PHTF2: variants seen among roughly 807,000 people sequenced by gnomAD.
PHTF2 encodes protein PHTF2.
A neutral mutation model predicts 101.2 loss-of-function variants in PHTF2; 60 were observed. The ratio of observed to expected loss-of-function variants is 0.59; its 90% CI spans 0.48 to 0.73. The LOEUF is 0.73. PHTF2 is among the 30% of genes least tolerant of loss of function. PHTF2 has a pLI of 0.00. For synonymous variants in PHTF2, 311 were observed against 307.3 expected, an observed-to-expected ratio of 1.01 and a Z score of -0.13; for missense variants, 747 against 908.7, an observed-to-expected ratio of 0.82 and a Z score of 2.29.
chr7:77,847,117 AT>A (rs889475559), intron 2 of PHTF2, among the ~76,000 whole-genome samples: 19 of 152,188 alleles, frequency 1.2e-4, no homozygotes, highest in African/African-American at 4.3e-4. Context: ...AAATCTCTGT[AT>A]TTTTTCAGTC....
chr7:77,957,241 T>A lies in PHTF2; in HGVS notation c.*2363T>A, dbSNP rs529447751. On this transcript the variant is annotated 3_prime_UTR_variant, in exon 20 of 20. Transcript: ENST00000416283. The stretch of plus-strand genomic sequence containing the variant: ...CTGTGACTGACGGTGTTTTTTTTTT[T>A]AATTTTCAGGTCATATACATTTCTA... The A allele has an allele frequency of 1.8e-4, 27 of 152,216 alleles. No homozygotes were observed. Among genetic ancestry groups the A allele is most frequent in the African/African-American group, 4.6e-4 (19 of 41,560 alleles). The allele number at this position is 152,216 out of a possible 1,614,324, so 9.4% of individuals were successfully genotyped here. A position where few individuals can be genotyped will look rare whatever the true frequency, so the allele number is the denominator to read the frequency against.
At chr7:77,822,399 G>C (rs1021664095) in intron 1 of PHTF2, among the ~76,000 whole-genome samples, 7 of 152,144 alleles carry the variant, frequency 4.6e-5, no homozygotes, top group Non-Finnish European at 8.8e-5. Context: ...AGGTGGCTCT[G>C]GTCTCAAGAT....
chr7:77,951,459 T>G (rs1806536678), intron 17 of PHTF2, among the ~76,000 whole-genome samples, 158 bp from the exon 17 acceptor site: 1 of 152,148 alleles, frequency 6.6e-6, no homozygotes. Context: ...ATTATTTTCC[T>G]ATTATAAAAT....
intron 1 of PHTF2, among the ~76,000 whole-genome samples, chr7:77,820,529 T>C (rs1347477763): frequency 6.6e-6 from 1 of 151,780 alleles, no homozygotes; most frequent in African/African-American, 2.4e-5. Context: ...TGTGTGTGTG[T>C]GCGTGTGTGT....
intron 1 of PHTF2, among the ~76,000 whole-genome samples, chr7:77,822,513 T>C (rs1794371500): frequency 6.6e-6 from 1 of 152,188 alleles, no homozygotes. Flanking sequence ...CATGAATTCC[T>C]GGCAGCTCTC....
chr7:77,823,104 C>T (rs1794432153), intron 1 of PHTF2, among the ~76,000 whole-genome samples: 1 of 151,864 alleles, frequency 6.6e-6, no homozygotes, highest in South Asian at 2.1e-4. Flanking sequence ...CGGGGTTTCA[C>T]CGTGTTAGCC....
chr7:77,799,844 T>C (rs888425885), intron 1 of PHTF2, among the ~76,000 whole-genome samples: 5 of 152,256 alleles, frequency 3.3e-5, no homozygotes, highest in Admixed American at 6.5e-5. Flanking sequence ...ACATGCCAAG[T>C]AATTTTGAAA....
chr7:77,892,836 T>A (rs1423350570), intron 3 of PHTF2, among the ~76,000 whole-genome samples: 1 of 152,252 alleles, frequency 6.6e-6, no homozygotes, highest in African/African-American at 2.4e-5. Flanking sequence ...TCATAATTAT[T>A]TTCCTGTGTC....
intron 3 of PHTF2, among the ~76,000 whole-genome samples, chr7:77,859,359 G>A (rs1045128954): frequency 3.3e-5 from 5 of 152,166 alleles, no homozygotes; most frequent in Non-Finnish European, 5.9e-5. Context: ...GTGGAGATGT[G>A]TAGCTTTATT....
intron 1 of PHTF2, among the ~76,000 whole-genome samples, chr7:77,827,858 GA>G (rs1194835686): frequency 6.6e-6 from 1 of 151,356 alleles, no homozygotes; most frequent in Non-Finnish European, 1.5e-5. Context: ...TGGTCAGGCT[GA>G]TCTCAAACTC....
intron 1 of PHTF2, among the ~76,000 whole-genome samples, chr7:77,815,960 G>A (rs938296027): frequency 1.3e-5 from 2 of 151,962 alleles, no homozygotes; most frequent in African/African-American, 4.8e-5. Flanking sequence ...ATGTATGTAT[G>A]CGTTTGCTGT....
chr7:77,860,108 C>G (rs893943362), intron 3 of PHTF2, among the ~76,000 whole-genome samples: 1 of 152,008 alleles, frequency 6.6e-6, no homozygotes, highest in Non-Finnish European at 1.5e-5. Context: ...ATTGTCAAAC[C>G]TACTTTGTGA....
chr7:77,935,125 C>A (rs967364136), intron 12 of PHTF2, among the ~76,000 whole-genome samples: 38 of 67,410 alleles, frequency 5.6e-4, no homozygotes, highest in Non-Finnish European at 9.4e-4. Context: ...TACATTCCCC[C>A]CCCCCACACA....
At chr7:77,901,486 C>CA (rs1801388678) in intron 6 of PHTF2, among the ~76,000 whole-genome samples, 1 of 121,580 alleles carries the variant, frequency 8.2e-6, no homozygotes, top group African/African-American at 3.0e-5. Flanking sequence ...CAAACAAAAC[C>CA]AAAAAACAAT....
At chr7:77,861,490 A>G (rs1395900981) in intron 3 of PHTF2, among the ~76,000 whole-genome samples, 2 of 151,918 alleles carry the variant, frequency 1.3e-5, no homozygotes, top group Admixed American at 6.6e-5. Context: ...AGAAATGACC[A>G]TTTTCTAATA....
chr7:77,877,844 C>G (rs1010771043), intron 3 of PHTF2, among the ~76,000 whole-genome samples: 2 of 152,164 alleles, frequency 1.3e-5, no homozygotes, highest in African/African-American at 4.8e-5. Context: ...TTTTATTCCT[C>G]TGTCTCAGCC....
At chr7:77,923,422 A>AT in intron 11 of PHTF2, 3 of 984,494 alleles carry the variant, frequency 3.0e-6, no homozygotes, top group South Asian at 9.4e-5. Flanking sequence ...TATGTTAGTA[A>AT]TTTTTTCCTT....
intron 10 of PHTF2, among the ~76,000 whole-genome samples, chr7:77,922,017 CTTTTTTTTTTTTT>C (rs35763664): frequency 1.3e-4 from 12 of 95,268 alleles, no homozygotes; most frequent in African/African-American, 1.8e-4. Flanking sequence ...GTTTATATTC[CTTTTTTTTTTTTT>C]TTTTTTTTTT....
At chr7:77,877,803 CTT>C (rs1211430514) in intron 3 of PHTF2, among the ~76,000 whole-genome samples, 1 of 152,130 alleles carries the variant, frequency 6.6e-6, no homozygotes, top group Non-Finnish European at 1.5e-5. Context: ...TTTCTGGAAA[CTT>C]CTCTCTTAGG....
Sources: allele counts gnomAD v4.1 joint callset (sites outside exome capture counted in the v4.1 genomes callset), GRCh38; gene constraint gnomAD v4.1.1; transcripts MANE v1.5; gene names NCBI Gene and HGNC (gene_info 2026-07-23, HGNC 2026-07-21).